The following SCGB2B2 variants were observed in gnomAD, a reference collection of about 807,000 sequenced individuals.
SCGB2B2 encodes secretoglobin family 2B member 2.
SCGB2B2 carries 11 observed loss-of-function variants against 7.6 expected under a neutral mutation model. The ratio of observed to expected loss-of-function variants is 1.45; its 90% CI spans 0.91 to 2.40. SCGB2B2 has a LOEUF of 2.40. SCGB2B2 is among the 30% of genes most tolerant of loss of function. SCGB2B2 has a pLI of 0.00. For synonymous variants in SCGB2B2, 50 were observed against 48.6 expected, an observed-to-expected ratio of 1.03 and a Z score of -0.12; for missense variants, 104 against 115.4, an observed-to-expected ratio of 0.90 and a Z score of 0.45.
chr19:34,648,632 G>C (rs1450913301), intron 1 of SCGB2B2, among the ~76,000 whole-genome samples: 1 of 151,114 alleles, frequency 6.6e-6, no homozygotes, highest in Non-Finnish European at 1.5e-5. Flanking sequence ...TATTTATCTA[G>C]ATGGCAAATC....
At chr19:34,671,164 T>C (rs945877351) in intron 1 of SCGB2B2, among the ~76,000 whole-genome samples, 2 of 152,210 alleles carry the variant, frequency 1.3e-5, no homozygotes, top group African/African-American at 2.4e-5. Flanking sequence ...TACACCCACC[T>C]TGGCCTCCCA....
At chr19:34,610,514 A>G (rs1340711120) in intron 1 of SCGB2B2, among the ~76,000 whole-genome samples, 1 of 152,170 alleles carries the variant, frequency 6.6e-6, no homozygotes, top group African/African-American at 2.4e-5. Flanking sequence ...AGTTTCTATA[A>G]TGAAGCATTG....
chr19:34,624,936 C>G (rs902565549), intron 1 of SCGB2B2, among the ~76,000 whole-genome samples: 1 of 152,176 alleles, frequency 6.6e-6, no homozygotes, highest in Non-Finnish European at 1.5e-5. Context: ...AAGAAAAAAA[C>G]AGAGGATAAG....
intron 1 of SCGB2B2, among the ~76,000 whole-genome samples, chr19:34,667,233 C>CG (rs2067655113): frequency 6.6e-6 from 1 of 152,116 alleles, no homozygotes; most frequent in Admixed American, 6.5e-5. Context: ...CGCTGGGTCT[C>CG]CGCCCTCTGA....
At chr19:34,652,829 A>G (rs1395456272) in intron 1 of SCGB2B2, among the ~76,000 whole-genome samples, 2 of 151,456 alleles carry the variant, frequency 1.3e-5, no homozygotes, top group Non-Finnish European at 2.9e-5. Context: ...TAGATTTACC[A>G]TATGATCAAG....
chr19:34,658,314 G>C (rs2067339371), intron 1 of SCGB2B2, among the ~76,000 whole-genome samples: 1 of 152,098 alleles, frequency 6.6e-6, no homozygotes, highest in Non-Finnish European at 1.5e-5. Context: ...TCCAGGAGCT[G>C]GTTTTTTGAC....
intron 1 of SCGB2B2, among the ~76,000 whole-genome samples, chr19:34,629,299 G>T (rs991104405): frequency 2.0e-5 from 3 of 151,848 alleles, no homozygotes; most frequent in African/African-American, 7.2e-5. Context: ...GAAATAAAGG[G>T]TATTCAATTA....
intron 1 of SCGB2B2, among the ~76,000 whole-genome samples, chr19:34,616,692 A>C (rs917303834): frequency 2.1e-5 from 3 of 143,862 alleles, no homozygotes; most frequent in Non-Finnish European, 3.0e-5. Context: ...TAGTTTAATT[A>C]GATCCCATTT....
chr19:34,626,941 G>T (rs1037351745), intron 1 of SCGB2B2, among the ~76,000 whole-genome samples: 3 of 152,218 alleles, frequency 2.0e-5, no homozygotes, highest in Non-Finnish European at 4.4e-5. Flanking sequence ...AAAAGAGAGT[G>T]GGGGCCAATA....
intron 1 of SCGB2B2, among the ~76,000 whole-genome samples, chr19:34,601,432 T>C (rs545021059): frequency 3.9e-5 from 6 of 152,364 alleles, no homozygotes; most frequent in African/African-American, 1.2e-4. Flanking sequence ...AGAACTGAAA[T>C]TTTGATAATA....
In SCGB2B2 at chr19:34,595,008, T is replaced by C; in HGVS notation, c.-445A>G. 5.2e-6 allele frequency: 1 copy of C among 192,066 alleles called. No individual in the cohort carries two copies. The highest frequency in any genetic ancestry group is 1.1e-5 in the Non-Finnish European group (1 of 91,848). 11.9% of individuals were successfully genotyped at this position (192,066 alleles called of 1,614,324 possible). ...CAAACATTTGCTAAGTGAGTATGTC[T>C]GTCTGAATGGATAGCACATTAGGTG... On this transcript the variant is annotated 5_prime_UTR_variant, in exon 2 of 4. Coordinates refer to ENST00000601241, the MANE Select transcript of SCGB2B2 (RefSeq NM_001025591.4).
chr19:34,597,859 G>A (rs1048498378), intron 1 of SCGB2B2, among the ~76,000 whole-genome samples: 7 of 152,232 alleles, frequency 4.6e-5, no homozygotes, highest in African/African-American at 2.4e-5. Flanking sequence ...GTGTGGGGGC[G>A]TCTCTTGTGC....
chr19:34,670,961 T>C (rs996271483), intron 1 of SCGB2B2, among the ~76,000 whole-genome samples: 1 of 152,230 alleles, frequency 6.6e-6, no homozygotes, highest in African/African-American at 2.4e-5. Context: ...TCTTTCTCTG[T>C]CACCCAGGCT....
intron 1 of SCGB2B2, among the ~76,000 whole-genome samples, chr19:34,602,483 C>G (rs889390421): frequency 3.3e-5 from 5 of 152,150 alleles, no homozygotes; most frequent in Non-Finnish European, 7.4e-5. Flanking sequence ...TACCCTTTCC[C>G]CAACCTGCTC....
At chr19:34,603,821 A>C (rs1386287041) in intron 1 of SCGB2B2, among the ~76,000 whole-genome samples, 1 of 136,044 alleles carries the variant, frequency 7.4e-6, no homozygotes, top group African/African-American at 2.6e-5. Context: ...TTAACAGATA[A>C]CGTCTCACTA....
At chr19:34,625,880 G>A (rs2066361495) in intron 1 of SCGB2B2, among the ~76,000 whole-genome samples, 1 of 152,218 alleles carries the variant, frequency 6.6e-6, no homozygotes, top group African/African-American at 2.4e-5. Context: ...AGTAGGGGCA[G>A]TCTGACACCT....
intron 1 of SCGB2B2, chr19:34,638,366 C>G (rs2066745698): frequency 6.6e-6 from 1 of 152,036 alleles, no homozygotes; most frequent in Admixed American, 6.6e-5. Context: ...TTGCTTGAAT[C>G]CAGGAGGTGA....
rs187453780 is a variant in SCGB2B2, at chr19:34,674,475, T to C, written c.-2032+1155A>G. ...TCAGTTATTGTTATTATCAGATACA[T>C]ATTATGAAGCAACTATACCTACCAT... is the stretch of plus-strand genomic sequence containing the variant. On this transcript the variant is annotated intron_variant, in intron 1 of 3. Coordinates refer to ENST00000601241, the MANE Select transcript of SCGB2B2 (RefSeq NM_001025591.4). Among the ~76,000 whole-genome samples, 3 of 152,308 alleles carry C rather than the reference T, an allele frequency of 2.0e-5. No homozygotes were observed. In the East Asian group the frequency reaches 5.8e-4, roughly 29 times the overall value.
intron 1 of SCGB2B2, among the ~76,000 whole-genome samples, chr19:34,658,645 G>A (rs2067352238): frequency 6.6e-6 from 1 of 152,028 alleles, no homozygotes; most frequent in South Asian, 2.1e-4. Flanking sequence ...GGATCAGATG[G>A]ATTCACAGCC....
Sources: allele counts gnomAD v4.1 joint callset (sites outside exome capture counted in the v4.1 genomes callset), GRCh38; gene constraint gnomAD v4.1.1; transcripts MANE v1.5; gene names NCBI Gene and HGNC (gene_info 2026-07-23, HGNC 2026-07-21).